SMPD4: variants seen among roughly 807,000 people sequenced by gnomAD.
SMPD4 encodes the protein neutral sphingomyelinase 3.
In SMPD4, 58 loss-of-function variants were observed where a neutral mutation model predicts 97.8. The observed-to-expected ratio is 0.59, with a 90% CI of 0.48 to 0.74. SMPD4 has a LOEUF of 0.74. SMPD4 is among the 30% of genes least tolerant of loss of function. The pLI, the probability that SMPD4 is intolerant of heterozygous loss-of-function variation, is 0.00. For missense variants in SMPD4, 853 were observed against 1,080.5 expected, an observed-to-expected ratio of 0.79 and a Z score of 2.95; for synonymous variants, 388 against 450.0, an observed-to-expected ratio of 0.86 and a Z score of 1.74.
chr2:130,153,197 G>A (rs760835570), intron 18 of SMPD4, 26 bp from the exon 19 acceptor site: 2 of 1,613,504 alleles, frequency 1.2e-6, no homozygotes, highest in Non-Finnish European at 1.7e-6. Flanking sequence ...ATGGGGATGG[G>A]TCAGAAAACA....
rs556058599 is a variant in SMPD4, at chr2:130,170,458, CA to C, written c.659+1890del. ...CCTGGGCAACAGAGTAAGACCCTGT[CA>C]AAAAAAAAAAAAAAAGCACACAATG... On this transcript the variant is annotated intron_variant, in intron 8 of 19. Transcript: ENST00000680298. Among the ~76,000 whole-genome samples, 172 of 64,644 alleles carry C rather than the reference CA, an allele frequency of 2.7e-3. 1 individual carries two copies. Among genetic ancestry groups the C allele is most frequent in the Admixed American group, 5.3e-3 (27 of 5,088 alleles). The allele number at this position is 64,644 out of a possible 152,430, so 42.4% of individuals were successfully genotyped here.
In SMPD4 at chr2:130,153,081, G is replaced by A. The variant is rs552264997; in HGVS notation, c.2116C>T (p.Arg706Cys). The A allele has an allele frequency of 4.3e-6, 7 of 1,613,092 alleles. No individual in the cohort carries two copies. The highest frequency in any genetic ancestry group is 2.2e-5 in the East Asian group (1 of 44,876). The change falls in exon 19 of 20, where the codon CGC (arginine) becomes TGC (cysteine). Residue 706 changes from arginine to cysteine, a missense_variant. Arg to Cys is a radical substitution (Grantham distance 180, BLOSUM62 -3). Transcript: ENST00000680298. The stretch of plus-strand genomic sequence containing the variant: ...GCAGACGACAGCCTAAAGAGTGTGC[G>A]GACCAAGCTGGCGATCTCATAGCTC... ...IRSYEIASLV[R>C]TLFRLSSAIN...
rs375539600 is a variant in SMPD4, at chr2:130,153,716, G to A, written c.1879C>T (p.Arg627Cys). ...EYLEKALEYL[R>C]QIFRLSEAQL... ...ATAGCTCGTACCCGGAATATCTGGC[G>A]CAGGTACTCCAGGGCCTTCTCCAGG... The change falls in exon 17 of 20, where the codon CGC (arginine) becomes TGC (cysteine). Residue 627 changes from arginine to cysteine, a missense_variant. Physicochemically the swap from Arg to Cys is radical, Grantham distance 180 (BLOSUM62 -3). Around this residue, in one of 3 missense-constraint regions of SMPD4, gnomAD observed 511 missense variants for 608.1 expected, o/e 0.84. Coordinates refer to ENST00000680298, the MANE Select transcript of SMPD4 (RefSeq NM_017951.5). 1.1e-5 allele frequency: 18 copies of A among 1,613,678 alleles called. No individual in the cohort carries two copies. The East Asian group carries it at 1.8e-4, about 16-fold the overall frequency.
rs116702261 is a variant in SMPD4 at position 130,157,453 on chromosome 2, C to T, written c.952-57G>A. On this transcript the variant is annotated intron_variant, in intron 11 of 19. Transcript: ENST00000680298. The stretch of plus-strand genomic sequence containing the variant: ...AAGGAGCGTGGCACCCATAGCACTC[C>T]GCCTCCAGGTCTGACCACATCCCGC... The T allele has an allele frequency of 4.8e-4, 776 of 1,605,072 alleles. 6 individuals carry two copies. The African/African-American group carries it at 9.3e-3, about 19-fold the overall frequency.
At chr2:130,162,411 C>T (rs146443940) in intron 10 of SMPD4, among the ~76,000 whole-genome samples, 8 of 152,374 alleles carry the variant, frequency 5.3e-5, no homozygotes, top group Non-Finnish European at 7.3e-5. Context: ...CGCCATGACA[C>T]GCAGAGCAGG....
At chr2:130,165,798 G>A (rs928064592) in intron 9 of SMPD4, among the ~76,000 whole-genome samples, 14 of 152,110 alleles carry the variant, frequency 9.2e-5, no homozygotes, top group African/African-American at 3.4e-4. Flanking sequence ...TGAACTCCCG[G>A]CCTTGAGCAA....
At position 130,164,405 on chromosome 2, in the gene SMPD4, A is replaced by C. The variant is rs750526844; in HGVS notation, c.833T>G (p.Met278Arg). 6.2e-7 allele frequency: 1 copy of C among 1,614,120 alleles called. No individual in the cohort carries two copies. Among genetic ancestry groups the C allele is most frequent in the South Asian group, 1.1e-5 (1 of 91,080 alleles). ...EMWLHHYSLE[M>R]YQKMQSPHAK... is the part of the protein sequence containing the mutation. Reference sequence around the variant, plus strand: ...ATGAGGGGACTGCATTTTTTGATACATCTCCAAGGAATAGTGATGAAGCCA... The same window carrying C: ...ATGAGGGGACTGCATTTTTTGATACCTCTCCAAGGAATAGTGATGAAGCCA... The change falls in exon 10 of 20, where the codon ATG (methionine) becomes AGG (arginine). Residue 278 changes from methionine to arginine, a missense_variant. Coordinates refer to ENST00000680298, the MANE Select transcript of SMPD4 (RefSeq NM_017951.5).
At position 130,153,453 on chromosome 2, in the gene SMPD4, G is replaced by C. The variant is rs1426108254; in HGVS notation, c.1894-3C>G. 6.2e-7 allele frequency: 1 copy of C among 1,613,706 alleles called. No homozygotes were observed. Among genetic ancestry groups the C allele is most frequent in the African/African-American group, 1.3e-5 (1 of 75,080 alleles). On this transcript the variant is annotated splice_polypyrimidine_tract_variant and splice_region_variant and intron_variant, in intron 17 of 19. Transcript: ENST00000680298. ...TGCCTGAGCTGCGCTTCGCTGAGCT[G>C]CCAGAGAGAAATGCCACTGCCCTCA...
chr2:130,170,889 C>T (rs548803854), intron 8 of SMPD4, among the ~76,000 whole-genome samples: 1 of 151,784 alleles, frequency 6.6e-6, no homozygotes, highest in Non-Finnish European at 1.5e-5. Context: ...GGTGAAACCC[C>T]GTTACTACTA....
chr2:130,157,663 AAGAC>A, intron 11 of SMPD4: 1 of 600,386 alleles, frequency 1.7e-6, no homozygotes, highest in Non-Finnish European at 2.8e-6. Context: ...AGGCCTCACT[AAGAC>A]AGACACATCT....
intron 8 of SMPD4, among the ~76,000 whole-genome samples, chr2:130,168,341 T>C (rs1472261923): frequency 6.6e-6 from 1 of 152,092 alleles, no homozygotes; most frequent in Admixed American, 6.6e-5. Flanking sequence ...GGAGGATCAC[T>C]TGAGCCCAGG....
intron 2 of SMPD4, among the ~76,000 whole-genome samples, chr2:130,176,075 A>T (rs2104916009): frequency 6.6e-6 from 1 of 151,950 alleles, no homozygotes; most frequent in South Asian, 2.1e-4. Flanking sequence ...CTCCTGCCTC[A>T]GTCTCCTCAG....
upstream of SMPD4, chr2:130,181,708 G>GGCCA (rs781643607): frequency 1.7e-5 from 26 of 1,548,458 alleles, no homozygotes; most frequent in East Asian, 6.1e-4. Context: ...CCGGCCGGGC[G>GGCCA]GGGAAGAGAA....
chr2:130,166,937 CA>C (rs1490549402), intron 9 of SMPD4, among the ~76,000 whole-genome samples: 1 of 152,250 alleles, frequency 6.6e-6, no homozygotes, highest in African/African-American at 2.4e-5. Flanking sequence ...CTTCCATGGA[CA>C]GGGGATCCTG....
At chr2:130,158,919 G>A (rs867822444) in intron 11 of SMPD4, among the ~76,000 whole-genome samples, 21 of 152,296 alleles carry the variant, frequency 1.4e-4, no homozygotes, top group African/African-American at 4.1e-4. Context: ...AAGTCTCCCC[G>A]TCAGGAAACT....
chr2:130,155,258 C>T lies in SMPD4; in HGVS notation c.1291G>A (p.Ala431Thr). The change falls in exon 15 of 20, where the codon GCA becomes ACA. Residue 431 changes from alanine (A) to threonine (T), a missense_variant and splice_region_variant. Physicochemically the swap from Ala to Thr is moderately conservative, Grantham distance 58. Transcript: ENST00000680298. ...SQPRCVSEKW[A>T]PFVQENLLMY... ...AGCAGGTTCTCCTGGACAAAGGGTG[C>T]CCTGGGGACCGAGGTGGCAGGTTGG... 2 of 1,614,000 alleles carry T rather than the reference C, an allele frequency of 1.2e-6. No individual in the cohort carries two copies. Among genetic ancestry groups the T allele is most frequent in the East Asian group, 4.5e-5 (2 of 44,880 alleles).
intron 11 of SMPD4, 43 bp downstream of exon 11, chr2:130,161,143 A>C: frequency 6.3e-7 from 1 of 1,590,354 alleles, no homozygotes; most frequent in Non-Finnish European, 8.6e-7. Flanking sequence ...CCAGGCATGG[A>C]CATGCACTCT....
chr2:130,177,361 T>C (rs11682179), intron 1 of SMPD4, among the ~76,000 whole-genome samples: 75,251 of 151,810 alleles, frequency 0.5, 21,013 homozygotes, highest in African/African-American at 0.77. Context: ...GGATTACAGG[T>C]GTGAGCCAAC....
Position 130,174,998 on chromosome 2 carries a change from A to G in SMPD4, c.42T>C (p.Ala14=), listed in dbSNP as rs1688832733. ...TATTTATAGAGTCAGCTTTCAGGCT[A>G]GCCTAGAAGACAGAACAAAGCGAAA... The part of the protein sequence containing the change: ...PHLQQPSFLL[A]SLKADSINKP... Residue 14 remains alanine, a splice_region_variant and synonymous_variant, in exon 3 of 20, where the codon GCT becomes GCC. Coordinates refer to ENST00000680298, the MANE Select transcript of SMPD4 (RefSeq NM_017951.5). The G allele has an allele frequency of 6.2e-7, 1 of 1,603,152 alleles. No individual in the cohort carries two copies. Among genetic ancestry groups the G allele is most frequent in the African/African-American group, 1.3e-5 (1 of 74,910 alleles).
Sources: gnomAD v4.1 joint callset for allele counts (sites outside exome capture counted in the v4.1 genomes callset) on GRCh38, gnomAD v4.1.1 for gene constraint, gnomAD v4.1.1 regional missense constraint, MANE v1.5 for transcripts, NCBI Gene and HGNC (gene_info 2026-07-23, HGNC 2026-07-21) for gene names.